STEAP3: variants seen among roughly 807,000 people sequenced by gnomAD.
The protein encoded by STEAP3 is metalloreductase STEAP3.
A neutral mutation model predicts 34.9 loss-of-function variants in STEAP3; 35 were observed. The ratio of observed to expected loss-of-function variants is 1.00; its 90% CI spans 0.76 to 1.33. The LOEUF (loss-of-function observed/expected upper bound fraction) is 1.33. Among genes scored for constraint, STEAP3 ranks in the 40% most tolerant of loss-of-function variants. The pLI, the probability that STEAP3 is intolerant of heterozygous loss-of-function variation, is 0.00. For synonymous variants in STEAP3, 281 were observed against 301.6 expected, an observed-to-expected ratio of 0.93 and a Z score of 0.71; for missense variants, 652 against 667.6, an observed-to-expected ratio of 0.98 and a Z score of 0.26.
At chr2:119,226,804 A>G (rs529846059) in intron 1 of STEAP3, among the ~76,000 whole-genome samples, 1 of 152,296 alleles carries the variant, frequency 6.6e-6, no homozygotes, top group African/African-American at 2.4e-5. Flanking sequence ...CCCATGTGCC[A>G]GCATCCGGGC....
chr2:119,240,792 T>C (rs1322508578), intron 2 of STEAP3, among the ~76,000 whole-genome samples: 1 of 152,106 alleles, frequency 6.6e-6, no homozygotes, highest in Non-Finnish European at 1.5e-5. Flanking sequence ...TGCAATCTGA[T>C]CCCATCTGCT....
At chr2:119,244,469 C>G (rs965143046) in intron 2 of STEAP3, 1 of 151,602 alleles carries the variant, frequency 6.6e-6, no homozygotes, top group Non-Finnish European at 1.5e-5. Flanking sequence ...GAACTCCTGA[C>G]CTCAAGCGAT....
At chr2:119,261,638 C>T (rs564226925) in intron 5 of STEAP3, among the ~76,000 whole-genome samples, 1 of 152,198 alleles carries the variant, frequency 6.6e-6, no homozygotes, top group Admixed American at 6.5e-5. Flanking sequence ...TTGGAAATTA[C>T]TTATCTCCCA....
rs562124996 is a variant in STEAP3 at position 119,248,271 on chromosome 2, C to T, written c.1050+65C>T. On this transcript the variant is annotated intron_variant, in intron 4 of 5. Coordinates refer to ENST00000393110, the MANE Select transcript of STEAP3 (RefSeq NM_182915.3). Reference sequence around the variant, plus strand: ...ACATGCTTGTCCAGCACCTCCCCCCCCCACCAACCAGGTGCAGCCGATACC... The same window carrying T: ...ACATGCTTGTCCAGCACCTCCCCCCTCCACCAACCAGGTGCAGCCGATACC... The T allele has an allele frequency of 1.5e-4, 226 of 1,493,448 alleles. 1 individual carries two copies. The Middle Eastern group carries it at 3.0e-3, about 20-fold the overall frequency. The allele number at this position is 1,493,448 out of a possible 1,614,324, so 92.5% of individuals were successfully genotyped here. A position where few individuals can be genotyped will look rare whatever the true frequency, so the allele number is the denominator to read the frequency against.
Position 119,250,282 on chromosome 2 carries a change from G to A in STEAP3, c.1050+2076G>A, listed in dbSNP as rs565785091. ...AAAGACACAGACCATCTGGCTCCTC[G>A]CCTCAGCTGGTGTGGGGCGGTGTGG... is the stretch of plus-strand genomic sequence containing the variant. On this transcript the variant is annotated intron_variant, in intron 4 of 5. Transcript: ENST00000393110. Among the ~76,000 whole-genome samples the A allele has an allele frequency of 9.2e-5, 14 of 152,328 alleles. No homozygotes were observed. In the South Asian group the frequency reaches 1.7e-3, roughly 18 times the overall value.
intron 2 of STEAP3, among the ~76,000 whole-genome samples, chr2:119,232,882 G>A (rs1676989686): frequency 6.6e-6 from 1 of 152,152 alleles, no homozygotes; most frequent in South Asian, 2.1e-4. Flanking sequence ...CAGAGCCAAG[G>A]GGCCAGAGGC....
rs771982217 is a variant in STEAP3 at position 119,230,981 on chromosome 2, A to G, written c.-32A>G. On this transcript the variant is annotated 5_prime_UTR_variant, in exon 2 of 6. Coordinates refer to ENST00000393110, the MANE Select transcript of STEAP3 (RefSeq NM_182915.3). ...CACCTCACGGTGAGGCTGTCGAGTG[A>G]CCTGAGAGCCTCAGACCCTCACGTC... The G allele has an allele frequency of 6.2e-7, 1 of 1,614,138 alleles. No individual in the cohort carries two copies. The highest frequency in any genetic ancestry group is 1.1e-5 in the South Asian group (1 of 91,076).
intron 2 of STEAP3, among the ~76,000 whole-genome samples, chr2:119,243,917 A>T (rs1366050831): frequency 6.6e-6 from 1 of 152,170 alleles, no homozygotes; most frequent in Non-Finnish European, 1.5e-5. Flanking sequence ...AAGTAGGAAG[A>T]GGCAGACGCC....
chr2:119,246,553 C>A (rs1016921731), intron 3 of STEAP3: 2 of 155,210 alleles, frequency 1.3e-5, no homozygotes, highest in South Asian at 2.0e-4. Context: ...TTTAATGCCA[C>A]CTTGGTTTTT....
At chr2:119,227,592 C>G (rs1385668094) in intron 1 of STEAP3, among the ~76,000 whole-genome samples, 4 of 152,102 alleles carry the variant, frequency 2.6e-5, no homozygotes, top group Non-Finnish European at 1.5e-5. Context: ...GGGAGTTCAG[C>G]AAAGATCACA....
intron 4 of STEAP3, among the ~76,000 whole-genome samples, chr2:119,251,798 C>T: frequency 6.6e-6 from 1 of 152,204 alleles, no homozygotes; most frequent in Non-Finnish European, 1.5e-5. Context: ...CGGCTTGGAA[C>T]GCCCACCCCA....
intron 4 of STEAP3, among the ~76,000 whole-genome samples, chr2:119,250,335 T>C (rs1677584614): frequency 1.3e-5 from 2 of 152,260 alleles, no homozygotes; most frequent in Non-Finnish European, 2.9e-5. Context: ...GCTGGACTCC[T>C]GCTCTCCAGC....
chr2:119,235,161 G>T (rs1677057751), intron 2 of STEAP3, among the ~76,000 whole-genome samples: 1 of 152,240 alleles, frequency 6.6e-6, no homozygotes, highest in Non-Finnish European at 1.5e-5. Flanking sequence ...TGACCCACAT[G>T]TAGCCAGGGA....
At chr2:119,241,744 G>C (rs771277898) in intron 2 of STEAP3, among the ~76,000 whole-genome samples, 15 of 152,202 alleles carry the variant, frequency 9.9e-5, no homozygotes, top group Non-Finnish European at 1.8e-4. Flanking sequence ...CAGATGCCAA[G>C]TCAGGTTCTG....
rs1213925188 is a variant in STEAP3 at position 119,223,907 on chromosome 2, G to C, written c.-394+19G>C. 2 of 152,190 alleles carry C rather than the reference G, an allele frequency of 1.3e-5. No individual in the cohort carries two copies. The highest frequency in any genetic ancestry group is 4.8e-5 in the African/African-American group (2 of 41,458). The allele number at this position is 152,190 out of a possible 1,614,324, so 9.4% of individuals were successfully genotyped here. A position where few individuals can be genotyped will look rare whatever the true frequency, so the allele number is the denominator to read the frequency against. ...CGCAGAGGTGAGTGTACCCTCCCCC[G>C]GTCTCCGCGGGGCTGCGTGCTGCGC... is the stretch of plus-strand genomic sequence containing the variant. On this transcript the variant is annotated intron_variant, in intron 1 of 5. Coordinates refer to ENST00000393110, the MANE Select transcript of STEAP3 (RefSeq NM_182915.3).
Position 119,230,986 on chromosome 2 carries a change from A to C in STEAP3, c.-27A>C, listed in dbSNP as rs377455577. 5 of 1,614,028 alleles carry C rather than the reference A, an allele frequency of 3.1e-6. No homozygotes were observed. The African/African-American group carries it at 5.3e-5, about 17-fold the overall frequency. ...CACGGTGAGGCTGTCGAGTGACCTG[A>C]GAGCCTCAGACCCTCACGTCAGCCG... On this transcript the variant is annotated 5_prime_UTR_variant, in exon 2 of 6. Transcript: ENST00000393110.
intron 2 of STEAP3, among the ~76,000 whole-genome samples, chr2:119,233,630 T>G (rs559878209): frequency 5.9e-5 from 9 of 152,266 alleles, no homozygotes; most frequent in Admixed American, 5.2e-4. Flanking sequence ...TAGGCCCCGG[T>G]AGGTGTTAGA....
intron 2 of STEAP3, among the ~76,000 whole-genome samples, chr2:119,235,168 G>T (rs941410005): frequency 1.3e-5 from 2 of 152,210 alleles, no homozygotes; most frequent in Non-Finnish European, 2.9e-5. Flanking sequence ...CATGTAGCCA[G>T]GGAGTGGTCC....
At chr2:119,246,516 A>C (rs1309787489) in intron 3 of STEAP3, 1 of 156,032 alleles carries the variant, frequency 6.4e-6, no homozygotes, top group Non-Finnish European at 1.4e-5. Flanking sequence ...TCTTGCCACG[A>C]GGAGCTCTTA....
Sources: allele counts gnomAD v4.1 joint callset (sites outside exome capture counted in the v4.1 genomes callset), GRCh38; gene constraint gnomAD v4.1.1; transcripts MANE v1.5; gene names NCBI Gene and HGNC (gene_info 2026-07-23, HGNC 2026-07-21).